The following NPAS3 variants were observed in gnomAD, a reference collection of about 807,000 sequenced individuals.
The protein encoded by NPAS3 is neuronal PAS domain-containing protein 3.
NPAS3 carries 14 observed loss-of-function variants against 73.1 expected under a neutral mutation model. The observed-to-expected ratio is 0.19, with a 90% CI of 0.13 to 0.30. The LOEUF (loss-of-function observed/expected upper bound fraction) is 0.30, where lower values mean the gene tolerates loss of function less well. NPAS3 is among the 10% of genes least tolerant of loss of function. The pLI, the probability that NPAS3 is intolerant of heterozygous loss-of-function variation, is 1.00. For missense variants in NPAS3, 1,096 were observed against 1,250.0 expected (o/e 0.88, Z 1.86); for synonymous variants, 620 against 541.5 (o/e 1.14, Z -2.01).
chr14:33,668,751 G>A (rs377166875), intron 5 of NPAS3, among the ~76,000 whole-genome samples: 14 of 152,272 alleles, frequency 9.2e-5, no homozygotes, highest in Middle Eastern at 6.8e-3. Context: ...CCCAGGAGGC[G>A]GAGGTTGCAG....
intron 4 of NPAS3, among the ~76,000 whole-genome samples, chr14:33,530,329 C>T (rs1414535737): frequency 6.6e-6 from 1 of 152,090 alleles, no homozygotes; most frequent in African/African-American, 2.4e-5. Context: ...GATATGAATA[C>T]AGTTAGATCC....
At chr14:32,959,626 C>A (rs774453475) in intron 1 of NPAS3, among the ~76,000 whole-genome samples, 3 of 152,134 alleles carry the variant, frequency 2.0e-5, no homozygotes, top group African/African-American at 7.2e-5. Flanking sequence ...GACTTAATTA[C>A]GACTATGATG....
At chr14:33,455,793 T>A (rs1262834885) in intron 4 of NPAS3, among the ~76,000 whole-genome samples, 1 of 152,230 alleles carries the variant, frequency 6.6e-6, no homozygotes, top group Non-Finnish European at 1.5e-5. Context: ...GTGGCTCCTC[T>A]AAGAGTCTTG....
intron 3 of NPAS3, among the ~76,000 whole-genome samples, chr14:33,313,679 G>C (rs530877209): frequency 2.0e-5 from 3 of 151,948 alleles, no homozygotes; most frequent in Non-Finnish European, 4.4e-5. Context: ...TATTATCCTC[G>C]TAATTACTTT....
intron 9 of NPAS3, among the ~76,000 whole-genome samples, chr14:33,781,876 AAAAGT>A (rs1214285712): frequency 1.3e-5 from 2 of 152,244 alleles, no homozygotes; most frequent in Non-Finnish European, 2.9e-5. Context: ...CTAGAATAAG[AAAAGT>A]AAAGAGGAAT....
At chr14:32,938,818 C>A (rs1283004039), upstream of NPAS3, among the ~76,000 whole-genome samples, 2 of 146,622 alleles carry the variant, frequency 1.4e-5, no homozygotes, top group Non-Finnish European at 3.0e-5. Context: ...CCCGCGGGAC[C>A]GCGCGGCCGC....
intron 2 of NPAS3, among the ~76,000 whole-genome samples, chr14:33,187,739 A>G (rs1309641933): frequency 2.6e-5 from 4 of 152,122 alleles, no homozygotes; most frequent in Non-Finnish European, 5.9e-5. Context: ...AATAATTTTA[A>G]TTAGTATTTA....
chr14:33,210,977 A>G (rs1456612277), intron 2 of NPAS3, among the ~76,000 whole-genome samples: 5 of 152,234 alleles, frequency 3.3e-5, no homozygotes, highest in African/African-American at 1.2e-4. Flanking sequence ...AAGAGAGTGC[A>G]CATTATTAAT....
chr14:33,256,324 C>A (rs1278014505), intron 3 of NPAS3, among the ~76,000 whole-genome samples: 3 of 152,054 alleles, frequency 2.0e-5, no homozygotes, highest in African/African-American at 7.2e-5. Flanking sequence ...GAAAAAGTTT[C>A]TTTCTTTCTT....
At chr14:32,941,587 G>A (rs995279865) in intron 1 of NPAS3, among the ~76,000 whole-genome samples, 1 of 151,894 alleles carries the variant, frequency 6.6e-6, no homozygotes, top group African/African-American at 2.4e-5. Context: ...TGCTCCACTT[G>A]AGAGCTGAAC....
chr14:33,353,832 T>G (rs190186810), intron 3 of NPAS3, among the ~76,000 whole-genome samples: 3 of 152,226 alleles, frequency 2.0e-5, no homozygotes, highest in Admixed American at 2.0e-4. Context: ...ACAGAGGTTT[T>G]GGGGGAACAA....
At chr14:33,331,162 G>A (rs1044179801) in intron 3 of NPAS3, among the ~76,000 whole-genome samples, 2 of 152,120 alleles carry the variant, frequency 1.3e-5, no homozygotes, top group Non-Finnish European at 1.5e-5. Flanking sequence ...ATCAGGGTAA[G>A]ATCTCATCAG....
rs797009340 is a variant in NPAS3 at position 33,373,398 on chromosome 14, G to GTGTA, written c.468+6133_468+6134insATGT. On this transcript the variant is annotated intron_variant, in intron 4 of 11. Coordinates refer to ENST00000356141, the Ensembl canonical transcript of NPAS3. ...TATATTGAACTATATGTGTGTGTGT[G>GTGTA]TGTGTGTGTGTGTGTGTGTGTGTTA... Among the ~76,000 whole-genome samples the GTGTA allele has an allele frequency of 4.0e-4, 60 of 151,778 alleles. No homozygotes were observed. In the South Asian group the frequency reaches 0.011, roughly 29 times the overall value.
chr14:32,984,025 TA>T (rs1277747017), intron 1 of NPAS3, among the ~76,000 whole-genome samples: 1 of 152,130 alleles, frequency 6.6e-6, no homozygotes, highest in African/African-American at 2.4e-5. Flanking sequence ...CCCGGCCAAA[TA>T]GAATTATTAA....
At chr14:32,999,224 T>C (rs1279199) in intron 1 of NPAS3, among the ~76,000 whole-genome samples, 18,474 of 152,160 alleles carry the variant, frequency 0.12, 1,217 homozygotes, top group East Asian at 0.16. Flanking sequence ...ATAAATGTTA[T>C]ATTCCGGCCG....
chr14:33,566,233 C>CCT (rs1555413596), intron 5 of NPAS3, among the ~76,000 whole-genome samples: 1 of 151,672 alleles, frequency 6.6e-6, no homozygotes, highest in Admixed American at 6.6e-5. Context: ...TTTTCCCCCC[C>CCT]GAAAATGACT....
chr14:33,201,272 ATTCACTCCCC>A (rs1266137479), intron 2 of NPAS3, among the ~76,000 whole-genome samples: 2 of 148,186 alleles, frequency 1.3e-5, no homozygotes, highest in Admixed American at 6.7e-5. Flanking sequence ...TGTATATAAA[ATTCACTCCCC>A]TTCACTCCCC....
chr14:32,972,018 A>C (rs1484451538), intron 1 of NPAS3, among the ~76,000 whole-genome samples: 2 of 144,044 alleles, frequency 1.4e-5, no homozygotes, highest in African/African-American at 5.2e-5. Context: ...GGCTCACTGC[A>C]AGCTCCACCT....
intron 4 of NPAS3, among the ~76,000 whole-genome samples, chr14:33,439,179 C>T (rs976629724): frequency 6.6e-6 from 1 of 151,814 alleles, no homozygotes; most frequent in Non-Finnish European, 1.5e-5. Flanking sequence ...GTAAATAGGA[C>T]ATTTATAGGC....
Sources: allele counts gnomAD v4.1 joint callset (sites outside exome capture counted in the v4.1 genomes callset), GRCh38; gene constraint gnomAD v4.1.1; transcripts MANE v1.5; gene names NCBI Gene and HGNC (gene_info 2026-07-23, HGNC 2026-07-21).